Variants in PTCHD4 observed in about 807,000 individuals in gnomAD.
PTCHD4 encodes patched domain-containing protein 4.
In PTCHD4, 33 loss-of-function variants were observed where a neutral mutation model predicts 58.1. The ratio of observed to expected loss-of-function variants is 0.57; its 90% CI spans 0.43 to 0.76. PTCHD4 has a LOEUF of 0.76. Ranked by LOEUF, PTCHD4 falls within the 30% of genes least tolerant of loss-of-function variation. The pLI, the probability that PTCHD4 is intolerant of heterozygous loss-of-function variation, is 0.00. For missense variants in PTCHD4, 1,058 were observed against 1,027.1 expected (o/e 1.03, Z -0.41); for synonymous variants, 478 against 409.6 (o/e 1.17, Z -2.02).
rs114781486 is a variant in PTCHD4 at position 48,100,777 on chromosome 6, C to T, written c.-970+10272G>A. ...TGTGTGTTTCTTGCTTCAGCCTTCA[C>T]ATAAACACATATACATTTTTTTCTT... is the stretch of plus-strand genomic sequence containing the variant. On this transcript the variant is annotated intron_variant, in intron 1 of 4. Coordinates refer to ENST00000339488, the MANE Select transcript of PTCHD4 (RefSeq NM_001384253.1). Among the ~76,000 whole-genome samples, 866 of 152,290 alleles carry T rather than the reference C, an allele frequency of 5.7e-3. 8 individuals are homozygous for T. Among genetic ancestry groups the T allele is most frequent in the African/African-American group, 0.019 (788 of 41,560 alleles).
chr6:48,024,843 G>T (rs1050618388), intron 3 of PTCHD4, among the ~76,000 whole-genome samples: 2 of 152,130 alleles, frequency 1.3e-5, no homozygotes, highest in Non-Finnish European at 2.9e-5. Context: ...ATAATTAAAA[G>T]CATCTGGTGC....
At chr6:47,974,797 C>T (rs1767634395) in intron 4 of PTCHD4, among the ~76,000 whole-genome samples, 1 of 152,092 alleles carries the variant, frequency 6.6e-6, no homozygotes, top group Admixed American at 6.6e-5. Flanking sequence ...TTGCTGACCA[C>T]AAATTATTGG....
At chr6:47,931,436 G>A (rs566343296) in intron 4 of PTCHD4, among the ~76,000 whole-genome samples, 4 of 152,226 alleles carry the variant, frequency 2.6e-5, no homozygotes, top group Admixed American at 2.0e-4. Flanking sequence ...CATTGTGAAC[G>A]CACATCAAAA....
At chr6:47,899,235 T>G (rs2114142526) in intron 4 of PTCHD4, among the ~76,000 whole-genome samples, 1 of 152,342 alleles carries the variant, frequency 6.6e-6, no homozygotes, top group Middle Eastern at 3.4e-3. Context: ...GTCTTGCCCT[T>G]TCACTTATTT....
intron 4 of PTCHD4, among the ~76,000 whole-genome samples, chr6:47,935,648 T>G (rs1025600140): frequency 6.6e-6 from 1 of 152,206 alleles, no homozygotes; most frequent in African/African-American, 2.4e-5. Flanking sequence ...TGGTATGCAT[T>G]TAATTATGCT....
chr6:47,890,976 G>C, intron 4 of PTCHD4: 1 of 683,638 alleles, frequency 1.5e-6, no homozygotes, highest in Non-Finnish European at 1.8e-6. Flanking sequence ...GGGGGGCTGA[G>C]GCTGGTGGAT....
chr6:48,010,208 G>A (rs1762615463), intron 3 of PTCHD4, among the ~76,000 whole-genome samples: 1 of 152,174 alleles, frequency 6.6e-6, no homozygotes, highest in Non-Finnish European at 1.5e-5. Flanking sequence ...CAGGCACTAA[G>A]GTATGTTTAT....
chr6:47,877,115 C>G lies in PTCHD4; in HGVS notation c.*1188G>C, dbSNP rs1272962644. On this transcript the variant is annotated 3_prime_UTR_variant, in exon 5 of 5. Coordinates refer to ENST00000339488, the MANE Select transcript of PTCHD4 (RefSeq NM_001384253.1). ...AGAGTTTATAGGATTAGAATAGTTT[C>G]CTTATGCTAAGAACTAGTAGATGGC... Among the ~76,000 whole-genome samples, 1 of 151,924 alleles carries G rather than the reference C, an allele frequency of 6.6e-6. No individual in the cohort carries two copies. Among genetic ancestry groups the G allele is most frequent in the African/African-American group, 2.4e-5 (1 of 41,394 alleles).
chr6:48,077,568 C>G (rs189492481), intron 1 of PTCHD4, among the ~76,000 whole-genome samples: 1 of 152,354 alleles, frequency 6.6e-6, no homozygotes, highest in African/African-American at 2.4e-5. Flanking sequence ...CTTTACTTCT[C>G]TCAGCCTAGC....
chr6:48,037,823 G>C (rs1763694208), intron 3 of PTCHD4, among the ~76,000 whole-genome samples: 1 of 150,866 alleles, frequency 6.6e-6, no homozygotes, highest in Non-Finnish European at 1.5e-5. Context: ...AAAAGAGTAA[G>C]ATGATTTAAA....
Position 47,878,229 on chromosome 6 carries a change from G to T in PTCHD4, c.*74C>A. The T allele has an allele frequency of 7.2e-7, 1 of 1,380,800 alleles. No individual in the cohort carries two copies. The highest frequency in any genetic ancestry group is 1.4e-5 in the South Asian group (1 of 70,480). The allele number at this position is 1,380,800 out of a possible 1,614,324, so 85.5% of individuals were successfully genotyped here. ...TTACCCCTGGCCAGCCCAAGCAGCTGAGGTCTGAGCTTTACTTGCCCTGCA... is the reference window on the plus strand; with the variant it reads ...TTACCCCTGGCCAGCCCAAGCAGCTTAGGTCTGAGCTTTACTTGCCCTGCA... On this transcript the variant is annotated 3_prime_UTR_variant, in exon 5 of 5. Transcript: ENST00000339488.
chr6:48,046,435 A>C (rs1246320385), intron 3 of PTCHD4, among the ~76,000 whole-genome samples: 1 of 151,868 alleles, frequency 6.6e-6, no homozygotes. Context: ...TTATAGTCTC[A>C]GTACCATGAC....
rs577421619 is a variant in PTCHD4 at position 48,041,475 on chromosome 6, C to T, written c.417+26755G>A. On this transcript the variant is annotated intron_variant, in intron 3 of 4. Coordinates refer to ENST00000339488, the MANE Select transcript of PTCHD4 (RefSeq NM_001384253.1). ...AATCTCTCCTCAGTACCAGTTTGAA[C>T]ATGAGAGGTCTACACACCTAACTAT... 8.9e-4 allele frequency among the ~76,000 whole-genome samples: 136 copies of T among 152,132 alleles called. 1 individual carries two copies. Among genetic ancestry groups the T allele is most frequent in the African/African-American group, 3.1e-3 (129 of 41,548 alleles).
At chr6:47,921,803 T>C (rs2113886855) in intron 4 of PTCHD4, among the ~76,000 whole-genome samples, 2 of 152,186 alleles carry the variant, frequency 1.3e-5, no homozygotes, top group South Asian at 4.2e-4. Context: ...GAAGAATACA[T>C]TTTTATTTTA....
At chr6:47,985,366 A>G (rs1293686852) in intron 4 of PTCHD4, among the ~76,000 whole-genome samples, 1 of 152,140 alleles carries the variant, frequency 6.6e-6, no homozygotes, top group Non-Finnish European at 1.5e-5. Flanking sequence ...TGAAGTAGCT[A>G]GCTAGGATAA....
At chr6:47,938,023 C>T (rs551027862) in intron 4 of PTCHD4, among the ~76,000 whole-genome samples, 12 of 152,028 alleles carry the variant, frequency 7.9e-5, no homozygotes, top group East Asian at 1.9e-4. Context: ...CATGGTGGCA[C>T]GCACCTGTAG....
intron 3 of PTCHD4, among the ~76,000 whole-genome samples, chr6:48,054,924 T>A (rs1375774679): frequency 6.6e-6 from 1 of 152,160 alleles, no homozygotes; most frequent in Non-Finnish European, 1.5e-5. Context: ...TACCAAGTGC[T>A]AAAAATTTTG....
intron 4 of PTCHD4, among the ~76,000 whole-genome samples, chr6:47,962,100 T>C (rs2113969884): frequency 6.6e-6 from 1 of 152,250 alleles, no homozygotes. Context: ...TCTACAGATA[T>C]TTTAATTATA....
intron 4 of PTCHD4, among the ~76,000 whole-genome samples, chr6:47,965,605 A>G (rs1171859046): frequency 1.3e-5 from 2 of 152,242 alleles, no homozygotes; most frequent in African/African-American, 4.8e-5. Flanking sequence ...ATTTAAATGC[A>G]AAGTCTATTG....
Sources: allele counts gnomAD v4.1 joint callset (sites outside exome capture counted in the v4.1 genomes callset), GRCh38; gene constraint gnomAD v4.1.1; transcripts MANE v1.5; gene names NCBI Gene and HGNC (gene_info 2026-07-23, HGNC 2026-07-21).